ZNF804B: variants seen among roughly 807,000 people sequenced by gnomAD.
ZNF804B encodes zinc finger protein 804B.
Under a neutral mutation model 101.4 loss-of-function variants are expected in ZNF804B, and 80 were observed. The ratio of observed to expected loss-of-function variants is 0.79; its 90% CI spans 0.66 to 0.95. The LOEUF (loss-of-function observed/expected upper bound fraction) is 0.95. Among genes scored for constraint, ZNF804B ranks in the 40% least tolerant of loss-of-function variants. ZNF804B has a pLI of 0.00. For synonymous variants in ZNF804B, 622 were observed against 558.8 expected, an observed-to-expected ratio of 1.11 and a Z score of -1.59; for missense variants, 1,673 against 1,561.9, an observed-to-expected ratio of 1.07 and a Z score of -1.20.
intron 1 of ZNF804B, among the ~76,000 whole-genome samples, chr7:88,783,753 T>C (rs1790261962): frequency 6.6e-6 from 1 of 152,142 alleles, no homozygotes; most frequent in African/African-American, 2.4e-5. Flanking sequence ...CGTTAGTTTA[T>C]TCTAAGAAGT....
Position 89,338,059 on chromosome 7 carries a change from G to T in ZNF804B, c.*1027G>T, listed in dbSNP as rs12704466. On this transcript the variant is annotated 3_prime_UTR_variant, in exon 4 of 4. Coordinates refer to ENST00000333190, the MANE Select transcript of ZNF804B (RefSeq NM_181646.5). The stretch of plus-strand genomic sequence containing the variant: ...TGAATAAATTCACCATCCATGTAAT[G>T]TTGCAAATAATTTCAAACATTCATT... 0.36 allele frequency among the ~76,000 whole-genome samples: 54,599 copies of T among 151,834 alleles called. 12,063 individuals carry two copies. Among genetic ancestry groups the T allele is most frequent in the East Asian group, 0.69 (3,564 of 5,162 alleles).
intron 1 of ZNF804B, among the ~76,000 whole-genome samples, chr7:89,188,348 C>T (rs554777284): frequency 6.6e-6 from 1 of 152,192 alleles, no homozygotes; most frequent in Non-Finnish European, 1.5e-5. Flanking sequence ...GTTCTGACTG[C>T]TTCACTGAGC....
intron 1 of ZNF804B, among the ~76,000 whole-genome samples, chr7:88,972,507 C>A (rs1793553290): frequency 1.3e-5 from 2 of 151,182 alleles, no homozygotes; most frequent in South Asian, 4.2e-4. Flanking sequence ...CCTAGCATAG[C>A]CTATGTACTT....
At chr7:89,164,265 A>G (rs986693013) in intron 1 of ZNF804B, among the ~76,000 whole-genome samples, 1 of 152,014 alleles carries the variant, frequency 6.6e-6, no homozygotes, top group Admixed American at 6.6e-5. Context: ...AAGATGTCCT[A>G]TGTGTCCAGG....
intron 1 of ZNF804B, among the ~76,000 whole-genome samples, chr7:88,787,248 A>G (rs1790316030): frequency 6.6e-6 from 1 of 152,146 alleles, no homozygotes; most frequent in Non-Finnish European, 1.5e-5. Context: ...GGCTTTGCAG[A>G]TTATTTATTA....
chr7:89,237,756 G>A lies in ZNF804B; in HGVS notation c.249+19461G>A, dbSNP rs538528045. On this transcript the variant is annotated intron_variant, in intron 2 of 3. Transcript: ENST00000333190. ...AGTTTTATAACTATTCCAACTATTC[G>A]GTGCAAGGTGATTGCTGCCAGCACT... is the stretch of plus-strand genomic sequence containing the variant. Among the ~76,000 whole-genome samples the A allele has an allele frequency of 5.9e-5, 9 of 152,070 alleles. No homozygotes were observed. The South Asian group carries it at 1.2e-3, about 21-fold the overall frequency.
intron 1 of ZNF804B, among the ~76,000 whole-genome samples, chr7:89,169,042 A>C (rs1791187157): frequency 6.6e-6 from 1 of 152,128 alleles, no homozygotes. Context: ...GAACCCAGTG[A>C]CTAGTGTTCA....
intron 1 of ZNF804B, among the ~76,000 whole-genome samples, chr7:89,176,587 C>CTTTTTTTTTT (rs142696289): frequency 2.0e-4 from 11 of 53,980 alleles, no homozygotes; most frequent in African/African-American, 5.4e-4. Flanking sequence ...TTCTTTCTTT[C>CTTTTTTTTTT]TTTCTTTTTT....
At chr7:88,823,186 G>A (rs773378586) in intron 1 of ZNF804B, among the ~76,000 whole-genome samples, 4 of 152,238 alleles carry the variant, frequency 2.6e-5, no homozygotes, top group Admixed American at 6.5e-5. Flanking sequence ...CAGCCTAGGC[G>A]ACAGGGTGAG....
rs138316120 is a variant in ZNF804B, at chr7:89,311,700, T to C, written c.250-15644T>C. On this transcript the variant is annotated intron_variant, in intron 2 of 3. Transcript: ENST00000333190. ...TGGCAATTAAAAGCCCTGTGACTAC[T>C]ACTACTAACTCAGTTGGAAAAGCAA... Among the ~76,000 whole-genome samples the C allele has an allele frequency of 3.8e-4, 58 of 152,334 alleles. 1 individual carries two copies. Among genetic ancestry groups the C allele is most frequent in the African/African-American group, 1.4e-3 (58 of 41,580 alleles).
At chr7:88,847,880 C>T (rs1022280884) in intron 1 of ZNF804B, among the ~76,000 whole-genome samples, 1 of 152,066 alleles carries the variant, frequency 6.6e-6, no homozygotes, top group African/African-American at 2.4e-5. Context: ...AATATGGATA[C>T]AAGTTCTTTA....
intron 1 of ZNF804B, among the ~76,000 whole-genome samples, chr7:88,933,142 T>C (rs759730898): frequency 6.6e-6 from 1 of 151,774 alleles, no homozygotes; most frequent in African/African-American, 2.4e-5. Flanking sequence ...TGGCTTAATA[T>C]ATACATGACA....
Position 89,163,720 on chromosome 7 carries a change from T to C in ZNF804B, c.109-54435T>C, listed in dbSNP as rs74319186. On this transcript the variant is annotated intron_variant, in intron 1 of 3. Coordinates refer to ENST00000333190, the MANE Select transcript of ZNF804B (RefSeq NM_181646.5). ...GAATTTTCAATGACTAAAGTTGAAG[T>C]GGATAGTAGAGCAGTGTGTTGAACC... Among the ~76,000 whole-genome samples the C allele has an allele frequency of 5.6e-3, 848 of 152,280 alleles. 11 individuals carry two copies. The highest frequency in any genetic ancestry group is 0.019 in the African/African-American group (810 of 41,580).
At chr7:89,230,941 C>T (rs914740653) in intron 2 of ZNF804B, among the ~76,000 whole-genome samples, 1 of 152,016 alleles carries the variant, frequency 6.6e-6, no homozygotes, top group African/African-American at 2.4e-5. Context: ...AACTTGGTTG[C>T]TTGCCTTATT....
intron 1 of ZNF804B, among the ~76,000 whole-genome samples, chr7:88,789,976 T>C (rs971527942): frequency 6.6e-6 from 1 of 152,120 alleles, no homozygotes; most frequent in African/African-American, 2.4e-5. Flanking sequence ...TAATATTATT[T>C]AAGTTATTCT....
chr7:88,807,120 A>C (rs1790704255), intron 1 of ZNF804B, among the ~76,000 whole-genome samples: 1 of 152,214 alleles, frequency 6.6e-6, no homozygotes, highest in Non-Finnish European at 1.5e-5. Context: ...TATTTCAGAA[A>C]GCCAATCTTT....
intron 1 of ZNF804B, among the ~76,000 whole-genome samples, chr7:89,215,010 T>G (rs1788868373): frequency 6.6e-6 from 1 of 152,168 alleles, no homozygotes; most frequent in African/African-American, 2.4e-5. Flanking sequence ...TGAAAAATAA[T>G]AGAGATTTCT....
chr7:89,052,226 C>T (rs1789217531), intron 1 of ZNF804B, among the ~76,000 whole-genome samples: 2 of 152,120 alleles, frequency 1.3e-5, no homozygotes, highest in African/African-American at 4.8e-5. Flanking sequence ...CAGCCTCCAG[C>T]TCCTGGGCTC....
At chr7:89,255,029 A>C (rs2115797442) in intron 2 of ZNF804B, among the ~76,000 whole-genome samples, 1 of 152,304 alleles carries the variant, frequency 6.6e-6, no homozygotes, top group East Asian at 1.9e-4. Context: ...ACTGCTATGA[A>C]GAAATAACTG....
Sources: allele counts gnomAD v4.1 joint callset (sites outside exome capture counted in the v4.1 genomes callset), GRCh38; gene constraint gnomAD v4.1.1; transcripts MANE v1.5; gene names NCBI Gene and HGNC (gene_info 2026-07-23, HGNC 2026-07-21).